Variants in LRRC56 observed in about 807,000 individuals in gnomAD.
LRRC56 encodes leucine rich repeat containing 56, also known as leucine-rich repeat-containing protein 56.
A neutral mutation model predicts 47.8 loss-of-function variants in LRRC56; 41 were observed. The ratio of observed to expected loss-of-function variants is 0.86; its 90% CI spans 0.67 to 1.11. The LOEUF (loss-of-function observed/expected upper bound fraction) is 1.11, where lower values mean the gene tolerates loss of function less well. LRRC56 is among the 50% of genes most tolerant of loss of function. LRRC56 has a pLI of 0.00. For synonymous variants in LRRC56, 387 were observed against 311.2 expected, an observed-to-expected ratio of 1.24 and a Z score of -2.56; for missense variants, 759 against 704.2, an observed-to-expected ratio of 1.08 and a Z score of -0.88.
chr11:516,629 A>G, the LRRC56 span, among the ~76,000 whole-genome samples: 2 of 152,108 alleles, frequency 1.3e-5, no homozygotes, highest in African/African-American at 2.4e-5. Flanking sequence ...GGAATTCACC[A>G]TATAAGCAGA....
At chr11:525,321 C>T in the LRRC56 span, among the ~76,000 whole-genome samples, 25 of 151,454 alleles carry the variant, frequency 1.7e-4, no homozygotes, top group South Asian at 4.2e-4. Context: ...GGGCGGATCA[C>T]GAGGTCAGGA....
At chr11:540,581 G>A (rs1851740833) in intron 3 of LRRC56, 93 bp from the exon 4 acceptor site, 15 of 1,102,272 alleles carry the variant, frequency 1.4e-5, no homozygotes, top group Non-Finnish European at 1.9e-5. Flanking sequence ...CTGTGACGGG[G>A]GCGGGGGGTT....
At chr11:539,402 T>TTTTTTTGG (rs1851677296) in intron 2 of LRRC56, among the ~76,000 whole-genome samples, 178 bp from the exon 3 acceptor site, 1 of 139,516 alleles carries the variant, frequency 7.2e-6, no homozygotes, top group Admixed American at 7.2e-5. Flanking sequence ...TTTTTTTTTT[T>TTTTTTTGG]GAGACAGAGT....
chr11:512,791 C>T, the LRRC56 span, among the ~76,000 whole-genome samples: 3 of 152,198 alleles, frequency 2.0e-5, no homozygotes, highest in South Asian at 2.1e-4. Flanking sequence ...AATGCTACGT[C>T]GCCTTCTAGT....
At chr11:521,628 A>G in the LRRC56 span, among the ~76,000 whole-genome samples, 7 of 152,224 alleles carry the variant, frequency 4.6e-5, no homozygotes, top group South Asian at 1.5e-3. Context: ...TTCAAAAACA[A>G]TTACAGCCCG....
chr11:510,581 T>G, the LRRC56 span, among the ~76,000 whole-genome samples: 1 of 151,640 alleles, frequency 6.6e-6, no homozygotes, highest in Non-Finnish European at 1.5e-5. Flanking sequence ...CTACTAATAA[T>G]ACAAAAATTA....
the LRRC56 span, chr11:528,451 T>C: frequency 6.6e-6 from 1 of 152,076 alleles, no homozygotes; most frequent in Non-Finnish European, 1.5e-5. Flanking sequence ...CAGGGGGGCT[T>C]GTCCGCAGGG....
intron 5 of LRRC56, among the ~76,000 whole-genome samples, chr11:542,734 G>A (rs1462094221): frequency 7.9e-5 from 12 of 151,992 alleles, no homozygotes; most frequent in Non-Finnish European, 1.5e-5. Context: ...GTTGAGAGTT[G>A]GACATGCAAC....
chr11:532,556 G>A (rs891953115), upstream of LRRC56: 4 of 1,564,178 alleles, frequency 2.6e-6, no homozygotes, highest in South Asian at 3.4e-5. Context: ...GCTGACCGCA[G>A]GCCAGGAGAC....
At chr11:509,193 T>A in the LRRC56 span, among the ~76,000 whole-genome samples, 4 of 152,194 alleles carry the variant, frequency 2.6e-5, no homozygotes, top group Non-Finnish European at 5.9e-5. Flanking sequence ...TAGCTGATTC[T>A]TTAACTCTCT....
intron 5 of LRRC56, 121 bp from the exon 6 acceptor site, chr11:544,599 C>T: frequency 9.9e-7 from 1 of 1,007,010 alleles, no homozygotes; most frequent in South Asian, 1.3e-5. Flanking sequence ...TGGAGGGAGG[C>T]TTGTGAGGCT....
intron 6 of LRRC56, among the ~76,000 whole-genome samples, chr11:546,255 A>G (rs1852073788): frequency 6.6e-6 from 1 of 151,818 alleles, no homozygotes; most frequent in African/African-American, 2.4e-5. Flanking sequence ...CCGGGGCAAC[A>G]GAGCGAAACT....
At chr11:508,991 G>A in the LRRC56 span, among the ~76,000 whole-genome samples, 1 of 152,178 alleles carries the variant, frequency 6.6e-6, no homozygotes, top group Non-Finnish European at 1.5e-5. Context: ...GTTGCAGTGA[G>A]CCAAGATCGT....
At chr11:552,796 C>A in intron 13 of LRRC56, 94 bp downstream of exon 13, 2 of 1,059,528 alleles carry the variant, frequency 1.9e-6, no homozygotes, top group South Asian at 3.2e-5. Context: ...ATGTGTCAAC[C>A]TGGCCCTGCT....
the LRRC56 span, among the ~76,000 whole-genome samples, chr11:531,486 T>C: frequency 6.6e-6 from 1 of 152,156 alleles, no homozygotes. Flanking sequence ...GCAAGCCCCT[T>C]GGAGCAGAGT....
the LRRC56 span, among the ~76,000 whole-genome samples, chr11:520,430 C>G: frequency 1.3e-5 from 2 of 152,066 alleles, no homozygotes. Context: ...CAGTGATTCT[C>G]CTGCCTCAGC....
chr11:513,252 T>C, the LRRC56 span, among the ~76,000 whole-genome samples: 1 of 152,076 alleles, frequency 6.6e-6, no homozygotes, highest in East Asian at 1.9e-4. Flanking sequence ...GCCTCCTGGG[T>C]TCAAGCAATT....
the LRRC56 span, among the ~76,000 whole-genome samples, chr11:523,867 G>A: frequency 1.3e-5 from 2 of 152,176 alleles, no homozygotes; most frequent in South Asian, 4.1e-4. Flanking sequence ...GGCAGAGGTT[G>A]CAGTGAGCCG....
the LRRC56 span, among the ~76,000 whole-genome samples, chr11:522,334 C>T: frequency 1.3e-5 from 2 of 152,126 alleles, no homozygotes; most frequent in African/African-American, 4.8e-5. Context: ...GGCGCGATCT[C>T]AGCTCACTGC....
Sources: allele counts gnomAD v4.1 joint callset (sites outside exome capture counted in the v4.1 genomes callset), GRCh38; gene constraint gnomAD v4.1.1; transcripts MANE v1.5; gene names NCBI Gene and HGNC (gene_info 2026-07-23, HGNC 2026-07-21).